The following SLCO1B3 variants were observed in gnomAD, a reference collection of about 807,000 sequenced individuals.
The protein encoded by SLCO1B3 is solute carrier organic anion transporter family member 1B3, also known as liver-specific organic anion transporter 2.
SLCO1B3 carries 72 observed loss-of-function variants against 71.8 expected under a neutral mutation model. That is an observed-to-expected ratio of 1.00 (90% confidence interval 0.83 to 1.22). The LOEUF (loss-of-function observed/expected upper bound fraction) is 1.22, where lower values mean the gene tolerates loss of function less well. Among genes scored for constraint, SLCO1B3 ranks in the 50% most tolerant of loss-of-function variants. SLCO1B3 has a pLI of 0.00. For synonymous variants in SLCO1B3, 298 were observed against 278.4 expected (o/e 1.07, Z -0.70); for missense variants, 911 against 819.7 (o/e 1.11, Z -1.36).
At chr12:20,812,650 T>C (rs1342659764) in intron 1 of SLCO1B3, among the ~76,000 whole-genome samples, 1 of 152,158 alleles carries the variant, frequency 6.6e-6, no homozygotes, top group African/African-American at 2.4e-5. Flanking sequence ...TAAGTTTTAT[T>C]TTTGTTGTAA....
Position 20,869,353 on chromosome 12 carries a change from T to C in SLCO1B3, c.728-5882T>C, listed in dbSNP as rs1865435571. Among the ~76,000 whole-genome samples, 2 of 152,200 alleles carry C rather than the reference T, an allele frequency of 1.3e-5. 1 individual carries two copies. The highest frequency in any genetic ancestry group is 4.1e-4 in the South Asian group (2 of 4,830). Reference sequence around the variant, plus strand: ...CACTTCTCACTGTGTCCCCTCAGCTTCTGTCTCTGTATGGCCTGGCTTTTC... The same window carrying C: ...CACTTCTCACTGTGTCCCCTCAGCTCCTGTCTCTGTATGGCCTGGCTTTTC... On this transcript the variant is annotated intron_variant, in intron 8 of 15. Transcript: ENST00000381545.
At chr12:20,822,603 C>T (rs575999393) in intron 3 of SLCO1B3, among the ~76,000 whole-genome samples, 1 of 152,242 alleles carries the variant, frequency 6.6e-6, no homozygotes, top group Admixed American at 6.5e-5. Context: ...TTGGCTTGGG[C>T]TCAGAGACCT....
Position 20,862,472 on chromosome 12 carries a change from G to C in SLCO1B3, c.542G>C (p.Arg181Pro). 6.2e-7 allele frequency: 1 copy of C among 1,613,132 alleles called. No homozygotes were observed. The highest frequency in any genetic ancestry group is 8.5e-7 in the Non-Finnish European group (1 of 1,179,412). The change falls in exon 7 of 16, where the codon CGT becomes CCT. Residue 181 changes from arginine to proline, a missense_variant. Arg to Pro is a moderately radical substitution (Grantham distance 103, BLOSUM62 -2). Coordinates refer to ENST00000381545, the MANE Select transcript of SLCO1B3 (RefSeq NM_019844.4). Reference protein sequence around the residue: ...WIYVFMGNMLRGIGETPIVPL... With the variant: ...WIYVFMGNMLPGIGETPIVPL... The stretch of plus-strand genomic sequence containing the variant: ...TATGTCTTCATGGGGAATATGCTTC[G>C]TGGCATAGGGGAAACCCCCATAGTA...
chr12:20,832,263 T>C (rs970779344), intron 3 of SLCO1B3, among the ~76,000 whole-genome samples: 1 of 152,224 alleles, frequency 6.6e-6, no homozygotes, highest in Non-Finnish European at 1.5e-5. Flanking sequence ...ACTCAGTGGA[T>C]GGAAATGTAT....
intron 15 of SLCO1B3, among the ~76,000 whole-genome samples, chr12:20,915,206 G>A (rs1866467173): frequency 6.6e-6 from 1 of 150,866 alleles, no homozygotes; most frequent in African/African-American, 2.4e-5. Context: ...ATTTTTCTTT[G>A]CTTTTTTTAT....
In SLCO1B3 at chr12:20,821,137, G is replaced by T. The variant is rs573504890; in HGVS notation, c.84+5315G>T. On this transcript the variant is annotated intron_variant, in intron 3 of 15. Transcript: ENST00000381545. ...GGGTTGGGCCTGAGGGGACAGGCGG[G>T]AGGGAAAGAAGGAAGATTTGGGATG... Among the ~76,000 whole-genome samples the T allele has an allele frequency of 7.2e-5, 11 of 152,222 alleles. No individual in the cohort carries two copies. In the East Asian group the frequency reaches 1.9e-3, roughly 27 times the overall value.
chr12:20,911,670 T>C lies in SLCO1B3; in HGVS notation c.1866-4334T>C, dbSNP rs561831231. The stretch of plus-strand genomic sequence containing the variant: ...TTCTTGTGTGAATTCAGGTAGATTG[T>C]ATCTTTCAAGGAATTGGTCCATTTC... On this transcript the variant is annotated intron_variant, in intron 15 of 15. Coordinates refer to ENST00000381545, the MANE Select transcript of SLCO1B3 (RefSeq NM_019844.4). Among the ~76,000 whole-genome samples the C allele has an allele frequency of 1.7e-4, 26 of 152,338 alleles. No homozygotes were observed. The South Asian group carries it at 5.0e-3, about 29-fold the overall frequency.
chr12:20,915,075 ACTT>A (rs1171696607), intron 15 of SLCO1B3, among the ~76,000 whole-genome samples: 1 of 151,764 alleles, frequency 6.6e-6, no homozygotes, highest in Non-Finnish European at 1.5e-5. Context: ...AATTTTCTGT[ACTT>A]ATTATTTGAA....
At chr12:20,874,343 T>C (rs1286172747) in intron 8 of SLCO1B3, among the ~76,000 whole-genome samples, 3 of 152,218 alleles carry the variant, frequency 2.0e-5, no homozygotes, top group Non-Finnish European at 4.4e-5. Flanking sequence ...CCAATTATCT[T>C]ACTGGTTTTT....
intron 8 of SLCO1B3, among the ~76,000 whole-genome samples, chr12:20,867,493 G>A (rs1244776805): frequency 2.0e-5 from 3 of 151,358 alleles, no homozygotes; most frequent in African/African-American, 4.9e-5. Context: ...ACATTCAAGA[G>A]GTAACAGGCA....
At chr12:20,837,904 C>G (rs182026298) in intron 3 of SLCO1B3, among the ~76,000 whole-genome samples, 1 of 151,936 alleles carries the variant, frequency 6.6e-6, no homozygotes, top group South Asian at 2.1e-4. Flanking sequence ...TGGATTTGTT[C>G]CCTTCCCACA....
At chr12:20,837,802 A>G (rs1239862301) in intron 3 of SLCO1B3, among the ~76,000 whole-genome samples, 2 of 152,184 alleles carry the variant, frequency 1.3e-5, no homozygotes, top group Non-Finnish European at 2.9e-5. Flanking sequence ...GATGTAATAC[A>G]TGAAGTTGTA....
chr12:20,838,569 A>T lies in SLCO1B3; in HGVS notation c.85-16459A>T, dbSNP rs369396986. Among the ~76,000 whole-genome samples, 124 of 152,204 alleles carry T rather than the reference A, an allele frequency of 8.1e-4. 2 individuals are homozygous for T. The South Asian group carries it at 0.025, about 30-fold the overall frequency. On this transcript the variant is annotated intron_variant, in intron 3 of 15. Coordinates refer to ENST00000381545, the MANE Select transcript of SLCO1B3 (RefSeq NM_019844.4). ...ATAGACTGTACTTACACAAGCCTAG[A>T]TAGATTAGCCTGCTAGACACCTAGG...
chr12:20,910,167 C>A (rs1866345475), intron 15 of SLCO1B3, among the ~76,000 whole-genome samples: 1 of 152,146 alleles, frequency 6.6e-6, no homozygotes, highest in African/African-American at 2.4e-5. Flanking sequence ...CATTATTTTG[C>A]ATGTGGATAT....
intron 3 of SLCO1B3, among the ~76,000 whole-genome samples, chr12:20,830,461 G>T (rs1339210341): frequency 6.6e-6 from 1 of 152,072 alleles, no homozygotes; most frequent in Non-Finnish European, 1.5e-5. Flanking sequence ...AAAATGAGCA[G>T]GTAGGTAAAT....
Position 20,837,777 on chromosome 12 carries a change from A to G in SLCO1B3, c.85-17251A>G, listed in dbSNP as rs561905087. 2.0e-5 allele frequency among the ~76,000 whole-genome samples: 3 copies of G among 152,262 alleles called. No individual in the cohort carries two copies. The South Asian group carries it at 6.2e-4, about 32-fold the overall frequency. ...GTTCCATGTGAGCTTAAGAATGTCT[A>G]TTCTACTGTTGTTGGATGTAATACA... On this transcript the variant is annotated intron_variant, in intron 3 of 15. Transcript: ENST00000381545.
At chr12:20,878,712 C>T (rs1335464722) in intron 10 of SLCO1B3, among the ~76,000 whole-genome samples, 2 of 152,158 alleles carry the variant, frequency 1.3e-5, no homozygotes, top group Non-Finnish European at 2.9e-5. Flanking sequence ...TCAGTTTTGA[C>T]TCCCAATAAC....
chr12:20,866,945 C>T (rs1017317584), intron 8 of SLCO1B3, among the ~76,000 whole-genome samples: 1 of 152,038 alleles, frequency 6.6e-6, no homozygotes, highest in African/African-American at 2.4e-5. Flanking sequence ...GACAAGAAGG[C>T]CTGAACAATA....
chr12:20,837,372 G>T (rs12580336), intron 3 of SLCO1B3, among the ~76,000 whole-genome samples: 7,455 of 151,750 alleles, frequency 0.049, 252 homozygotes, highest in East Asian at 0.18. Context: ...AATTTCATTT[G>T]CTGTTTTTTT....
Sources: allele counts gnomAD v4.1 joint callset (sites outside exome capture counted in the v4.1 genomes callset), GRCh38; gene constraint gnomAD v4.1.1; transcripts MANE v1.5; gene names NCBI Gene and HGNC (gene_info 2026-07-23, HGNC 2026-07-21).